VPS13B: variants seen among roughly 807,000 people sequenced by gnomAD.
VPS13B encodes the protein intermembrane lipid transfer protein VPS13B.
Under a neutral mutation model 426.4 loss-of-function variants are expected in VPS13B, and 285 were observed. The ratio of observed to expected loss-of-function variants is 0.67; its 90% CI spans 0.61 to 0.74. The LOEUF is 0.74. VPS13B is among the 30% of genes least tolerant of loss of function. The pLI is 0.00. For synonymous variants in VPS13B, 1,676 were observed against 1,676.4 expected (o/e 1.00, Z 0.01); for missense variants, 4,537 against 4,782.6 (o/e 0.95, Z 1.51).
intron 33 of VPS13B, among the ~76,000 whole-genome samples, chr8:99,623,866 G>A (rs1194488737): frequency 6.6e-6 from 1 of 151,842 alleles, no homozygotes; most frequent in Non-Finnish European, 1.5e-5. Context: ...CTCTCCACAT[G>A]CAGAGATAAT....
intron 11 of VPS13B, 22 bp from the exon 12 acceptor site, chr8:99,136,643 G>C: frequency 6.2e-7 from 1 of 1,612,694 alleles, no homozygotes; most frequent in Non-Finnish European, 8.5e-7. Flanking sequence ...TGTTTATTCT[G>C]TTTGCATTGC....
chr8:99,838,882 T>C (rs1815529816), intron 54 of VPS13B, among the ~76,000 whole-genome samples: 1 of 152,188 alleles, frequency 6.6e-6, no homozygotes, highest in South Asian at 2.1e-4. Flanking sequence ...GCAATGTGTT[T>C]GAAGCTTCAG....
chr8:99,092,815 A>G (rs1446790603), intron 3 of VPS13B, among the ~76,000 whole-genome samples: 1 of 152,024 alleles, frequency 6.6e-6, no homozygotes, highest in Non-Finnish European at 1.5e-5. Flanking sequence ...ATTAATGCTC[A>G]TTTTTTAAGC....
At chr8:99,251,512 T>G (rs927026301) in intron 17 of VPS13B, among the ~76,000 whole-genome samples, 2 of 152,204 alleles carry the variant, frequency 1.3e-5, no homozygotes, top group African/African-American at 2.4e-5. Flanking sequence ...GGAATGAATC[T>G]GAGTTGGCCA....
intron 19 of VPS13B, among the ~76,000 whole-genome samples, chr8:99,323,794 A>G (rs2133134532): frequency 6.6e-6 from 1 of 152,244 alleles, no homozygotes; most frequent in African/African-American, 2.4e-5. Flanking sequence ...ATTAATCTTG[A>G]TTGTGCTCTG....
At chr8:99,146,656 T>G (rs1244421595) in intron 13 of VPS13B, among the ~76,000 whole-genome samples, 1 of 152,200 alleles carries the variant, frequency 6.6e-6, no homozygotes, top group Non-Finnish European at 1.5e-5. Flanking sequence ...CACTGTAGCC[T>G]TGATATCCTA....
rs201483764 is a variant in VPS13B, at chr8:99,875,556, C to G, written c.11884C>G (p.Pro3962Ala). The change falls in exon 62 of 62, where the codon CCC becomes GCC. Residue 3962 changes from proline to alanine, a missense_variant. By Grantham distance (27) the Pro-to-Ala change is conservative. Transcript: ENST00000357162. ...CCCTGTGGTGGCTGCAGAACCTCCC[C>G]CCTCCACTGTTAAAACATACCATTA... Reference protein sequence around the residue: ...PCPVVAAEPPPSTVKTYHYLV... With the variant: ...PCPVVAAEPPASTVKTYHYLV... 312 of 1,614,154 alleles carry G rather than the reference C, an allele frequency of 1.9e-4. No individual in the cohort carries two copies. The East Asian group carries it at 5.8e-3, about 30-fold the overall frequency.
intron 17 of VPS13B, among the ~76,000 whole-genome samples, chr8:99,238,270 GA>G (rs1349518885): frequency 6.6e-6 from 1 of 151,638 alleles, no homozygotes; most frequent in Non-Finnish European, 1.5e-5. Context: ...GTGTGTGTGT[GA>G]AAAGACAATG....
At chr8:99,091,282 G>A (rs780312117) in intron 3 of VPS13B, among the ~76,000 whole-genome samples, 1 of 152,074 alleles carries the variant, frequency 6.6e-6, no homozygotes, top group Non-Finnish European at 1.5e-5. Flanking sequence ...CAGTGAATAT[G>A]GTGATCTCTT....
intron 35 of VPS13B, among the ~76,000 whole-genome samples, chr8:99,666,699 A>G (rs1830503153): frequency 1.3e-5 from 2 of 152,320 alleles, no homozygotes; most frequent in East Asian, 1.9e-4. Flanking sequence ...CACAGCCAAT[A>G]TCATACTGAA....
At chr8:99,355,332 C>T (rs1051216708) in intron 19 of VPS13B, among the ~76,000 whole-genome samples, 1 of 152,184 alleles carries the variant, frequency 6.6e-6, no homozygotes, top group African/African-American at 2.4e-5. Context: ...GTGGCTCACA[C>T]CTATAATCCC....
chr8:99,538,311 G>C, intron 30 of VPS13B, among the ~76,000 whole-genome samples: 1 of 152,118 alleles, frequency 6.6e-6, no homozygotes, highest in Non-Finnish European at 1.5e-5. Context: ...AAATGTTTAG[G>C]TTTTTAAATA....
chr8:99,164,795 T>C (rs1183542494), intron 15 of VPS13B, among the ~76,000 whole-genome samples: 1 of 152,170 alleles, frequency 6.6e-6, no homozygotes, highest in Non-Finnish European at 1.5e-5. Context: ...TTTCTTTGTC[T>C]CTGTTTCTGA....
At chr8:99,859,182 C>A in intron 56 of VPS13B, 122 bp from the exon 57 acceptor site, 2 of 1,210,522 alleles carry the variant, frequency 1.7e-6, no homozygotes, top group Non-Finnish European at 2.4e-6. Context: ...TCCAAAGAAA[C>A]AGATTACTTT....
intron 54 of VPS13B, among the ~76,000 whole-genome samples, chr8:99,844,996 A>T (rs1483563861): frequency 2.6e-5 from 4 of 152,144 alleles, no homozygotes; most frequent in Admixed American, 2.6e-4. Context: ...AGAGCTACAG[A>T]TTTATGAAGT....
intron 39 of VPS13B, among the ~76,000 whole-genome samples, chr8:99,726,097 C>A (rs769004802): frequency 6.6e-6 from 1 of 152,084 alleles, no homozygotes; most frequent in Non-Finnish European, 1.5e-5. Context: ...CCCCATATCA[C>A]TTTATGGAAT....
chr8:99,553,959 C>G (rs1029512513), intron 30 of VPS13B, among the ~76,000 whole-genome samples: 16 of 151,424 alleles, frequency 1.1e-4, no homozygotes, highest in African/African-American at 3.9e-4. Context: ...AGTATTTTTG[C>G]ATAGGGAAGA....
At chr8:99,395,421 T>C (rs1814679394) in intron 21 of VPS13B, among the ~76,000 whole-genome samples, 1 of 152,174 alleles carries the variant, frequency 6.6e-6, no homozygotes, top group Non-Finnish European at 1.5e-5. Flanking sequence ...GTGGAAGGCA[T>C]TGAAGTTCCT....
At chr8:99,558,558 C>G (rs537643725) in intron 31 of VPS13B, among the ~76,000 whole-genome samples, 5 of 152,110 alleles carry the variant, frequency 3.3e-5, no homozygotes, top group Admixed American at 1.3e-4. Context: ...ATCTCTCCCC[C>G]CTACCCCCAC....
Sources: allele counts gnomAD v4.1 joint callset (sites outside exome capture counted in the v4.1 genomes callset), GRCh38; gene constraint gnomAD v4.1.1; transcripts MANE v1.5; gene names NCBI Gene and HGNC (gene_info 2026-07-23, HGNC 2026-07-21).